The following KDM5A variants were observed in gnomAD, a reference collection of about 807,000 sequenced individuals.
KDM5A encodes lysine-specific demethylase 5A.
A neutral mutation model predicts 193.5 loss-of-function variants in KDM5A; 42 were observed. The observed-to-expected ratio is 0.22, with a 90% CI of 0.17 to 0.28. KDM5A has a LOEUF of 0.28. KDM5A is among the 10% of genes least tolerant of loss of function. The pLI is 1.00. For missense variants in KDM5A, 1,692 were observed against 2,055.1 expected (o/e 0.82, Z 3.42); for synonymous variants, 796 against 718.1 (o/e 1.11, Z -1.73).
intron 19 of KDM5A, among the ~76,000 whole-genome samples, chr12:316,621 C>G (rs1358453337): frequency 1.3e-5 from 2 of 152,174 alleles, no homozygotes; most frequent in Admixed American, 1.3e-4. Flanking sequence ...CCACGTTTAT[C>G]AAAATCATAG....
rs1483492615 is a variant in KDM5A at position 307,766 on chromosome 12, T to C, written c.3618A>G (p.Lys1206=). The change falls in exon 23 of 28, where the codon AAA becomes AAG. Residue 1206 remains lysine (K), a synonymous_variant. Transcript: ENST00000399788. The surrounding 1 kb of genome is among the most constrained non-coding windows in gnomAD (Gnocchi z 4.3). The part of the protein sequence containing the change: ...SQKKGSSWQA[K]EVKFLCPLCM... The stretch of plus-strand genomic sequence containing the variant: ...AAAGAGGGCAAAGGAATTTTACTTC[T>C]TTAGCTTGCCAGCTGGATCCTTTTT... 10 of 1,614,098 alleles carry C rather than the reference T, an allele frequency of 6.2e-6. No homozygotes were observed. Among genetic ancestry groups the C allele is most frequent in the Non-Finnish European group, 1.7e-6 (2 of 1,180,042 alleles).
chr12:378,958 CAAA>C (rs11364846), intron 3 of KDM5A, among the ~76,000 whole-genome samples: 6 of 106,184 alleles, frequency 5.7e-5, no homozygotes, highest in Non-Finnish European at 1.0e-4. Flanking sequence ...GACTCCATCT[CAAA>C]AAAAAAAAAA....
At chr12:351,996 C>T (rs556145372) in intron 9 of KDM5A, among the ~76,000 whole-genome samples, 8 of 149,326 alleles carry the variant, frequency 5.4e-5, no homozygotes, top group African/African-American at 2.0e-4. Context: ...CCCAGCTACT[C>T]GGGAGGCTGA....
At chr12:287,490 C>G (rs1441943219) in intron 27 of KDM5A, among the ~76,000 whole-genome samples, 1 of 140,776 alleles carries the variant, frequency 7.1e-6, no homozygotes, top group Non-Finnish European at 1.5e-5. Flanking sequence ...GCAAACTAAT[C>G]AGAGACCAAA....
chr12:357,928 A>G (rs1185534079), intron 5 of KDM5A, among the ~76,000 whole-genome samples: 1 of 151,556 alleles, frequency 6.6e-6, no homozygotes, highest in African/African-American at 2.4e-5. Context: ...AGACTCTGCA[A>G]CAGCCATACT....
At chr12:353,946 A>C (rs1020113969) in intron 8 of KDM5A, 130 bp downstream of exon 8, 1 of 749,520 alleles carries the variant, frequency 1.3e-6, no homozygotes, top group African/African-American at 1.8e-5. Flanking sequence ...AGTCCTGGAA[A>C]TTTTAAACAC....
chr12:293,260 T>C, intron 26 of KDM5A, 91 bp from the exon 27 acceptor site: 2 of 1,117,208 alleles, frequency 1.8e-6, no homozygotes, highest in Non-Finnish European at 2.6e-6. Flanking sequence ...AATAGACACA[T>C]TCGGAGAGAC....
intron 3 of KDM5A, among the ~76,000 whole-genome samples, chr12:374,886 G>A (rs1366219219): frequency 2.0e-5 from 3 of 151,442 alleles, no homozygotes; most frequent in Non-Finnish European, 4.4e-5. Context: ...TTTTTTTTAA[G>A]AATGTTGAAC....
chr12:372,406 G>T (rs559264987), intron 3 of KDM5A, among the ~76,000 whole-genome samples: 119 of 151,866 alleles, frequency 7.8e-4, no homozygotes, highest in African/African-American at 2.2e-3. Context: ...TGTTATTGGT[G>T]TATAAGAATG....
At chr12:357,460 C>T (rs539548056) in intron 5 of KDM5A, among the ~76,000 whole-genome samples, 2 of 151,844 alleles carry the variant, frequency 1.3e-5, no homozygotes, top group East Asian at 3.9e-4. Flanking sequence ...CATGATTGTC[C>T]TACCACACCC....
chr12:384,319 C>T (rs891485225), intron 2 of KDM5A, among the ~76,000 whole-genome samples, 166 bp from the exon 3 acceptor site: 3 of 152,228 alleles, frequency 2.0e-5, no homozygotes, highest in Non-Finnish European at 4.4e-5. Flanking sequence ...ACCAACCGGG[C>T]AAGCATTACC....
chr12:338,738 A>C (rs1450660320), intron 10 of KDM5A, among the ~76,000 whole-genome samples: 1 of 152,222 alleles, frequency 6.6e-6, no homozygotes, highest in African/African-American at 2.4e-5. Flanking sequence ...CCTATCCTAT[A>C]GAAAGCTTTA....
chr12:318,143 G>A lies in KDM5A; in HGVS notation c.2860C>T (p.Arg954Ter), dbSNP rs2137403401. Residue 954 changes from arginine (R) to a stop codon, truncating the protein, a stop_gained, in exon 19 of 28, where the codon CGA becomes TGA. Coordinates refer to ENST00000399788, the MANE Select transcript of KDM5A (RefSeq NM_001042603.3). LOFTEE classifies it high-confidence loss of function. ...CAGACCTTAGCCTTTTCTTCCCATC[G>A]TTCAGAGACTGTAAGGAGCTCCTGT... ...ELQELLTVSERWEEKAKVCLQ... is the reference protein window; with the variant it reads ...ELQELLTVSE 1 of 1,614,102 alleles carries A rather than the reference G, an allele frequency of 6.2e-7. No individual in the cohort carries two copies. Among genetic ancestry groups the A allele is most frequent in the Non-Finnish European group, 8.5e-7 (1 of 1,180,012 alleles).
intron 17 of KDM5A, chr12:322,169 G>C (rs1175461723): frequency 1.2e-5 from 6 of 514,012 alleles, no homozygotes; most frequent in Middle Eastern, 5.2e-4. Context: ...AGAGTAAAGA[G>C]AGCATGAAGT....
intron 10 of KDM5A, among the ~76,000 whole-genome samples, chr12:347,895 A>G (rs1170195368): frequency 6.6e-6 from 1 of 152,224 alleles, no homozygotes; most frequent in Non-Finnish European, 1.5e-5. Context: ...ATGGCAACAA[A>G]AGCCAAAATA....
At chr12:368,613 T>C (rs1944386752) in intron 3 of KDM5A, among the ~76,000 whole-genome samples, 1 of 152,002 alleles carries the variant, frequency 6.6e-6, no homozygotes, top group Non-Finnish European at 1.5e-5. Context: ...ACACCTATCA[T>C]CCCAGCTACT....
chr12:328,075 G>A (rs1350303068), intron 14 of KDM5A, among the ~76,000 whole-genome samples: 1 of 152,110 alleles, frequency 6.6e-6, no homozygotes, highest in African/African-American at 2.4e-5. Context: ...AACTTTTAGG[G>A]GTGATAGATA....
chr12:326,658 G>A lies in KDM5A; in HGVS notation c.1968+2177C>T, dbSNP rs573224658. On this transcript the variant is annotated intron_variant, in intron 14 of 27. Transcript: ENST00000399788. ...GGACGGATCACGAGGTCAGGAGATC[G>A]AGACCATCCTGGCTAACAAGGCAAA... 4.6e-5 allele frequency among the ~76,000 whole-genome samples: 7 copies of A among 152,156 alleles called. No homozygotes were observed. The South Asian group carries it at 1.2e-3, about 27-fold the overall frequency.
At chr12:286,078 T>C in intron 27 of KDM5A, 1 of 440,100 alleles carries the variant, frequency 2.3e-6, no homozygotes. Flanking sequence ...TCCTGTGTAT[T>C]AGCTTTATTT....
Sources: allele counts gnomAD v4.1 joint callset (sites outside exome capture counted in the v4.1 genomes callset), GRCh38; gene constraint gnomAD v4.1.1; non-coding constraint Gnocchi (gnomAD v3.1); transcripts MANE v1.5; gene names NCBI Gene and HGNC (gene_info 2026-07-23, HGNC 2026-07-21).